Variants in RORA observed in about 807,000 individuals in gnomAD.
RORA encodes the protein nuclear receptor ROR-alpha.
In RORA, 7 loss-of-function variants were observed where a neutral mutation model predicts 69.5. The observed-to-expected ratio is 0.10, with a 90% CI of 0.06 to 0.19. RORA has a LOEUF of 0.19. Ranked by LOEUF, RORA falls within the 10% of genes least tolerant of loss-of-function variation. The pLI is 1.00. For missense variants in RORA, 457 were observed against 663.0 expected, an observed-to-expected ratio of 0.69 and a Z score of 3.41; for synonymous variants, 261 against 240.8, an observed-to-expected ratio of 1.08 and a Z score of -0.78.
At chr15:60,505,681 A>G (rs1164841785) in intron 5 of RORA, 52 bp from the exon 6 acceptor site, 1 of 1,594,528 alleles carries the variant, frequency 6.3e-7, no homozygotes, top group African/African-American at 1.3e-5. Flanking sequence ...TCTTTGAATA[A>G]TTGGTGATTT....
chr15:60,799,868 A>T (rs527415298), intron 1 of RORA, among the ~76,000 whole-genome samples: 1 of 152,356 alleles, frequency 6.6e-6, no homozygotes, highest in South Asian at 2.1e-4. Flanking sequence ...GGAATGGATC[A>T]GTCTTTGTCT....
At chr15:60,508,428 CATT>C (rs1402682014) in intron 5 of RORA, among the ~76,000 whole-genome samples, 1 of 152,320 alleles carries the variant, frequency 6.6e-6, no homozygotes, top group African/African-American at 2.4e-5. Flanking sequence ...ATAATAATGA[CATT>C]AATAATTATG....
Position 60,517,463 on chromosome 15 carries a change from T to TTTTTATTTTATTTTATTTTATTTTA in RORA, c.283-2707_283-2706insTAAAATAAAATAAAATAAAATAAAA, listed in dbSNP as rs58528279. ...TTCTGAAAAATATCTAAAGCTATGT[T>TTTTTATTTTATTTTATTTTATTTTA]TTTTATTTTATTTTATTTTATTGTT... On this transcript the variant is annotated intron_variant, in intron 3 of 10. Transcript: ENST00000335670. 6.9e-4 allele frequency among the ~76,000 whole-genome samples: 105 copies of TTTTTATTTTATTTTATTTTATTTTA among 151,900 alleles called. 2 individuals carry two copies. Among genetic ancestry groups the TTTTTATTTTATTTTATTTTATTTTA allele is most frequent in the African/African-American group, 2.4e-3 (99 of 41,162 alleles).
At chr15:60,852,064 G>A (rs933654291) in intron 1 of RORA, among the ~76,000 whole-genome samples, 3 of 152,140 alleles carry the variant, frequency 2.0e-5, no homozygotes, top group African/African-American at 4.8e-5. Context: ...CACAATCCCT[G>A]ACAGGCCCTG....
rs2079160038 is a variant in RORA at position 61,128,219 on chromosome 15, G to GTT, written c.166+100833_166+100834insAA. Among the ~76,000 whole-genome samples, 1 of 151,672 alleles carries GTT rather than the reference G, an allele frequency of 6.6e-6. No homozygotes were observed. The highest frequency in any genetic ancestry group is 2.1e-4 in the South Asian group (1 of 4,796). On this transcript the variant is annotated intron_variant, in intron 1 of 10. Transcript: ENST00000335670. This position sits in a 1 kb window ranked among gnomAD's most constrained non-coding sequence, Gnocchi z 4.5. Reference sequence around the variant, plus strand: ...TGTATGCACACGTGTGTGTGTGTGTGTGTGTCTGTGTGTGAGTGTGTTTCT... The same window carrying GTT: ...TGTATGCACACGTGTGTGTGTGTGTGTTTGTGTCTGTGTGTGAGTGTGTTTCT...
intron 1 of RORA, among the ~76,000 whole-genome samples, chr15:60,986,029 C>T (rs899946539): frequency 7.2e-5 from 11 of 152,194 alleles, no homozygotes; most frequent in African/African-American, 2.7e-4. Context: ...TCCCTGGGCC[C>T]TAAGAAGCTA....
At chr15:60,669,176 C>A (rs529927890) in intron 2 of RORA, among the ~76,000 whole-genome samples, 1 of 152,280 alleles carries the variant, frequency 6.6e-6, no homozygotes, top group African/African-American at 2.4e-5. Flanking sequence ...TTTCAAGTTT[C>A]ACTGCACATT....
intron 1 of RORA, among the ~76,000 whole-genome samples, chr15:60,850,009 T>C (rs909317841): frequency 1.3e-5 from 2 of 152,158 alleles, no homozygotes; most frequent in Non-Finnish European, 2.9e-5. Flanking sequence ...CCTGGAAAGA[T>C]GCAGGAGCAG....
At chr15:60,897,079 G>A (rs143001007) in intron 1 of RORA, among the ~76,000 whole-genome samples, 100 of 152,210 alleles carry the variant, frequency 6.6e-4, no homozygotes, top group African/African-American at 2.2e-3. Flanking sequence ...AGACGTTTTC[G>A]ATGTTGTTTA....
chr15:61,030,183 C>A (rs986730832), intron 1 of RORA, among the ~76,000 whole-genome samples: 1 of 152,096 alleles, frequency 6.6e-6, no homozygotes, highest in Non-Finnish European at 1.5e-5. Context: ...AGAGACCTGA[C>A]AACTAGATGT....
intron 1 of RORA, chr15:61,176,215 G>A (rs1386672305): frequency 6.6e-6 from 1 of 152,204 alleles, no homozygotes; most frequent in Non-Finnish European, 1.5e-5. Context: ...TTGCACATGT[G>A]TTCAAACACT....
chr15:60,528,632 A>G (rs923606857), intron 3 of RORA: 2 of 152,214 alleles, frequency 1.3e-5, no homozygotes, highest in Non-Finnish European at 2.9e-5. Flanking sequence ...ATATCCATAG[A>G]TGTCCCAGAA....
chr15:61,208,823 C>T (rs965647083), intron 1 of RORA, among the ~76,000 whole-genome samples: 79 of 152,162 alleles, frequency 5.2e-4, no homozygotes, highest in African/African-American at 1.9e-3. Flanking sequence ...CATTATTTTG[C>T]TTCACATAAA....
chr15:61,089,096 A>G (rs1832013518), intron 1 of RORA, among the ~76,000 whole-genome samples: 1 of 152,232 alleles, frequency 6.6e-6, no homozygotes, highest in Admixed American at 6.5e-5. Context: ...CACTTCTGAC[A>G]TACCAGGAGC....
At chr15:60,862,660 T>G (rs1419661637) in intron 1 of RORA, among the ~76,000 whole-genome samples, 1 of 152,134 alleles carries the variant, frequency 6.6e-6, no homozygotes, top group Admixed American at 6.5e-5. Flanking sequence ...AAGAAGCGCT[T>G]GTATGAATTT....
chr15:60,551,242 CTT>C (rs1420533326), intron 2 of RORA, among the ~76,000 whole-genome samples: 1 of 151,964 alleles, frequency 6.6e-6, no homozygotes. Flanking sequence ...AATCTCATGT[CTT>C]TTAAGCAAAA....
At chr15:60,522,915 C>G (rs950200321) in intron 3 of RORA, among the ~76,000 whole-genome samples, 2 of 151,306 alleles carry the variant, frequency 1.3e-5, no homozygotes, top group African/African-American at 4.9e-5. Flanking sequence ...ACTAAAAACA[C>G]AAAAATTAGC....
chr15:61,067,265 C>T (rs570374061), intron 1 of RORA, among the ~76,000 whole-genome samples: 1 of 152,120 alleles, frequency 6.6e-6, no homozygotes, highest in South Asian at 2.1e-4. Context: ...GCCCATGTCA[C>T]CATGCCTGGC....
At chr15:60,615,833 A>G (rs1024239864) in intron 2 of RORA, among the ~76,000 whole-genome samples, 10 of 152,210 alleles carry the variant, frequency 6.6e-5, no homozygotes, top group African/African-American at 2.2e-4. Context: ...CCTTAGCTGC[A>G]TGGAGTTCTG....
Sources: allele counts gnomAD v4.1 joint callset (sites outside exome capture counted in the v4.1 genomes callset), GRCh38; gene constraint gnomAD v4.1.1; non-coding constraint Gnocchi (gnomAD v3.1); transcripts MANE v1.5; gene names NCBI Gene and HGNC (gene_info 2026-07-23, HGNC 2026-07-21).